The following SLC25A48 variants were observed in gnomAD, a reference collection of about 807,000 sequenced individuals.
The protein encoded by SLC25A48 is solute carrier family 25 member 48.
In SLC25A48, 29 loss-of-function variants were observed where a neutral mutation model predicts 32.2. That is an observed-to-expected ratio of 0.90 (90% CI 0.67 to 1.23). The LOEUF is 1.23. Ranked by LOEUF, SLC25A48 falls within the 50% of genes most tolerant of loss-of-function variation. The pLI is 0.00. For synonymous variants in SLC25A48, 164 were observed against 172.3 expected (o/e 0.95, Z 0.38); for missense variants, 399 against 422.7 (o/e 0.94, Z 0.49).
intron 4 of SLC25A48, among the ~76,000 whole-genome samples, chr5:135,866,540 C>T (rs1221405229): frequency 2.0e-5 from 3 of 152,180 alleles, no homozygotes; most frequent in Non-Finnish European, 4.4e-5. Context: ...TGGATGTCCC[C>T]TAAGAGATGG....
intron 7 of SLC25A48, among the ~76,000 whole-genome samples, chr5:135,886,639 A>AATAAAAT (rs1762735631): frequency 1.3e-5 from 1 of 76,602 alleles, no homozygotes; most frequent in Non-Finnish European, 2.6e-5. Context: ...ATATATATAA[A>AATAAAAT]ATATATATAT....
At chr5:135,772,954 A>G (rs1270831414) in intron 3 of SLC25A48, among the ~76,000 whole-genome samples, 1 of 150,700 alleles carries the variant, frequency 6.6e-6, no homozygotes, top group African/African-American at 2.4e-5. Context: ...ATATTGCAGA[A>G]GGTGTACACC....
At chr5:135,880,155 T>A in intron 7 of SLC25A48, 58 bp downstream of exon 7, 2 of 1,504,324 alleles carry the variant, frequency 1.3e-6, no homozygotes, top group Non-Finnish European at 1.8e-6. Context: ...ACTTTTTTTT[T>A]TTTTTATCAT....
chr5:135,823,365 T>C (rs1757941496), intron 4 of SLC25A48, among the ~76,000 whole-genome samples: 1 of 152,154 alleles, frequency 6.6e-6, no homozygotes, highest in South Asian at 2.1e-4. Context: ...ACGTGTCCCC[T>C]CTGGGCCTGG....
chr5:135,723,317 T>C (rs1755005722), intron 3 of SLC25A48, among the ~76,000 whole-genome samples: 1 of 151,756 alleles, frequency 6.6e-6, no homozygotes, highest in Non-Finnish European at 1.5e-5. Context: ...CAATGGGAGC[T>C]GAAACTATTC....
At chr5:135,868,677 T>TACACACACAC (rs34148471) in intron 4 of SLC25A48, among the ~76,000 whole-genome samples, 211 of 149,140 alleles carry the variant, frequency 1.4e-3, no homozygotes, top group African/African-American at 5.0e-3. Context: ...CACACACACA[T>TACACACACAC]ACACACACAC....
chr5:135,645,457 A>AT (rs1327604417), intron 3 of SLC25A48, among the ~76,000 whole-genome samples: 2 of 152,104 alleles, frequency 1.3e-5, no homozygotes, highest in Non-Finnish European at 2.9e-5. Flanking sequence ...CGAAATGGGG[A>AT]TTTTTTTCTA....
intron 3 of SLC25A48, among the ~76,000 whole-genome samples, chr5:135,795,536 G>A (rs374419364): frequency 6.6e-6 from 1 of 151,618 alleles, no homozygotes; most frequent in South Asian, 2.1e-4. Context: ...TTGATATTAC[G>A]CTCAATATTG....
chr5:135,752,494 T>A (rs1356764515), intron 3 of SLC25A48, among the ~76,000 whole-genome samples: 4 of 152,122 alleles, frequency 2.6e-5, no homozygotes, highest in Non-Finnish European at 5.9e-5. Context: ...ACACCCACTG[T>A]GATATCTGGA....
At chr5:135,674,535 G>A (rs1318084489) in intron 3 of SLC25A48, among the ~76,000 whole-genome samples, 1 of 151,730 alleles carries the variant, frequency 6.6e-6, no homozygotes, top group African/African-American at 2.4e-5. Context: ...AACATGTGAT[G>A]ATTGTCTTTC....
Position 135,841,116 on chromosome 5 carries a change from C to T in SLC25A48, c.47-1300C>T, listed in dbSNP as rs776225672. Among the ~76,000 whole-genome samples the T allele has an allele frequency of 1.7e-4, 26 of 152,236 alleles. No individual in the cohort carries two copies. In the Middle Eastern group the frequency reaches 0.01, roughly 60 times the overall value. On this transcript the variant is annotated intron_variant, in intron 1 of 7. Transcript: ENST00000681962. ...TTTTTCAATTGTAGCTATCCTAGTG[C>T]GTGTGAAGACGTATCTCATTGTGGT...
At chr5:135,850,313 C>T in intron 2 of SLC25A48, 112 bp from the exon 3 acceptor site, 1 of 1,057,302 alleles carries the variant, frequency 9.5e-7, no homozygotes, top group Non-Finnish European at 1.4e-6. Context: ...GAAACCCAGA[C>T]CCTTTGCTGG....
chr5:135,849,475 G>A (rs910914756), intron 2 of SLC25A48, among the ~76,000 whole-genome samples: 6 of 152,204 alleles, frequency 3.9e-5, no homozygotes, highest in Non-Finnish European at 8.8e-5. Context: ...ATGCCTGTCA[G>A]CTCCTGCCCC....
intron 3 of SLC25A48, among the ~76,000 whole-genome samples, chr5:135,778,879 G>T (rs1210445681): frequency 2.8e-5 from 2 of 71,874 alleles, no homozygotes; most frequent in East Asian, 1.0e-3. Flanking sequence ...TTATATCCAG[G>T]TGGTTGCAGG....
intron 3 of SLC25A48, among the ~76,000 whole-genome samples, chr5:135,759,033 A>C (rs758484172): frequency 4.9e-4 from 74 of 151,916 alleles, no homozygotes; most frequent in Non-Finnish European, 9.0e-4. Flanking sequence ...TCAAGTGTTG[A>C]CACACTATAA....
intron 3 of SLC25A48, among the ~76,000 whole-genome samples, chr5:135,647,242 T>C (rs1752985769): frequency 6.6e-6 from 1 of 152,188 alleles, no homozygotes; most frequent in South Asian, 2.1e-4. Flanking sequence ...ATTAACTAAA[T>C]TCTAGATTTT....
At chr5:135,686,374 C>T (rs988605336) in intron 3 of SLC25A48, among the ~76,000 whole-genome samples, 2 of 152,224 alleles carry the variant, frequency 1.3e-5, no homozygotes, top group African/African-American at 4.8e-5. Flanking sequence ...TCTCTGACCC[C>T]TACCTTGTTG....
At chr5:135,677,622 T>C (rs1467241209) in intron 3 of SLC25A48, among the ~76,000 whole-genome samples, 1 of 152,172 alleles carries the variant, frequency 6.6e-6, no homozygotes, top group East Asian at 1.9e-4. Flanking sequence ...GTGAATGTTA[T>C]ATTTTTATGT....
At chr5:135,884,193 C>T (rs746504391) in intron 7 of SLC25A48, among the ~76,000 whole-genome samples, 2 of 152,192 alleles carry the variant, frequency 1.3e-5, no homozygotes, top group Non-Finnish European at 2.9e-5. Context: ...CCCCAACCAC[C>T]CCCTGCCTTT....
Sources: allele counts gnomAD v4.1 joint callset (sites outside exome capture counted in the v4.1 genomes callset), GRCh38; gene constraint gnomAD v4.1.1; transcripts MANE v1.5; gene names NCBI Gene and HGNC (gene_info 2026-07-23, HGNC 2026-07-21).